SLC25A22: variants seen among roughly 807,000 people sequenced by gnomAD.
The protein encoded by SLC25A22 is mitochondrial glutamate carrier 1.
SLC25A22 carries 23 observed loss-of-function variants against 33.7 expected under a neutral mutation model. The observed-to-expected ratio is 0.68, with a 90% CI of 0.49 to 0.97. The LOEUF (loss-of-function observed/expected upper bound fraction) is 0.97. Ranked by LOEUF, SLC25A22 falls within the 50% of genes least tolerant of loss-of-function variation. The probability of loss-of-function intolerance (pLI) is 0.00; values close to 1 mark genes in which losing one functional copy is unlikely to be tolerated. For missense variants in SLC25A22, 390 were observed against 451.1 expected, an observed-to-expected ratio of 0.86 and a Z score of 1.23; for synonymous variants, 245 against 203.8, an observed-to-expected ratio of 1.20 and a Z score of -1.72.
chr11:794,370 C>G (rs1001946057), intron 4 of SLC25A22, 88 bp downstream of exon 4: 1 of 1,491,622 alleles, frequency 6.7e-7, no homozygotes, highest in Non-Finnish European at 9.2e-7. Flanking sequence ...GCTGGCCGCC[C>G]TGCCCTGCCT....
At chr11:792,270 C>G in intron 8 of SLC25A22, 34 bp downstream of exon 8, 1 of 1,613,054 alleles carries the variant, frequency 6.2e-7, no homozygotes, top group Non-Finnish European at 8.5e-7. Flanking sequence ...CAGTCCCGCC[C>G]CATCCCCAGC....
At position 791,734 on chromosome 11, in the gene SLC25A22, G is replaced by A. The variant is rs530664414; in HGVS notation, c.*181C>T. 4 of 752,556 alleles carry A rather than the reference G, an allele frequency of 5.3e-6. No individual in the cohort carries two copies. Among genetic ancestry groups the A allele is most frequent in the Non-Finnish European group, 8.4e-6 (4 of 476,440 alleles). The allele number at this position is 752,556 out of a possible 1,614,324, so 46.6% of individuals were successfully genotyped here. A position where few individuals can be genotyped will look rare whatever the true frequency, so the allele number is the denominator to read the frequency against. On this transcript the variant is annotated 3_prime_UTR_variant, in exon 10 of 10. Transcript: ENST00000628067. ...ATGAGACATTGATCCCAACGGTGCA[G>A]GCAGCACCCCGGGGGGCTTGCGTGT... is the stretch of plus-strand genomic sequence containing the variant.
chr11:793,650 T>C, intron 4 of SLC25A22, 31 bp from the exon 5 acceptor site: 2 of 1,526,776 alleles, frequency 1.3e-6, no homozygotes, highest in Non-Finnish European at 1.8e-6. Context: ...TGGGGGGACA[T>C]GCTCGGTGGC....
chr11:795,462 G>A (rs1244168141), intron 1 of SLC25A22: 1 of 354,806 alleles, frequency 2.8e-6, no homozygotes, highest in Admixed American at 3.8e-5. Context: ...GGCTTTTAAA[G>A]GGCCAGGCAC....
rs56900465 is a variant in SLC25A22 at position 795,379 on chromosome 11, CA to C, written c.-163-211del. 14,509 of 323,644 alleles carry C rather than the reference CA, an allele frequency of 0.045. 236 individuals are homozygous for C. Among genetic ancestry groups the C allele is most frequent in the South Asian group, 0.11 (3,405 of 30,296 alleles). The allele number at this position is 323,644 out of a possible 1,614,324, so 20.0% of individuals were successfully genotyped here. On this transcript the variant is annotated intron_variant, in intron 1 of 9. Coordinates refer to ENST00000628067, the MANE Select transcript of SLC25A22 (RefSeq NM_001191061.2). ...GGCTTCCTTTCAGTCCCCCCCTCCCCACCGCCAGCGTCTTCCCAGCCAGCCT... is the reference window on the plus strand; with the variant it reads ...GGCTTCCTTTCAGTCCCCCCCTCCCCCCGCCAGCGTCTTCCCAGCCAGCCT...
intron 2 of SLC25A22, 35 bp from the exon 3 acceptor site, chr11:794,936 G>A (rs756535022): frequency 2.6e-6 from 4 of 1,563,710 alleles, no homozygotes; most frequent in Middle Eastern, 3.3e-4. Context: ...CGGCTTCCTT[G>A]ACCATGGGTC....
rs1864596787 is a variant in SLC25A22 at position 792,694 on chromosome 11, T to C, written c.446A>G (p.Gln149Arg). 3.2e-6 allele frequency: 5 copies of C among 1,553,332 alleles called. No individual in the cohort carries two copies. The highest frequency in any genetic ancestry group is 3.5e-6 in the Non-Finnish European group (4 of 1,152,768). ...CTGGGCACCCCCCTGGGCCGAGAGC[T>C]GGCCCTGGGCAGCCAGGATCTTCCT... is the stretch of plus-strand genomic sequence containing the variant. ...AQRKILAAQGQLSAQGGAQPS... is the reference protein window; with the variant it reads ...AQRKILAAQGRLSAQGGAQPS... The change falls in exon 7 of 10, where the codon CAG becomes CGG. Residue 149 changes from glutamine to arginine, a missense_variant. Gln to Arg is a conservative substitution (Grantham distance 43, BLOSUM62 1). Transcript: ENST00000628067.
Position 794,904 on chromosome 11 carries a change from G to C in SLC25A22, c.21-3C>G. ...CATTGATGAGCTTGGCTGGCAGGCT[G>C]TGTGGACAGGGGTGTCAGGACCGGC... On this transcript the variant is annotated splice_region_variant and splice_polypyrimidine_tract_variant and intron_variant, in intron 2 of 9. Transcript: ENST00000628067. The C allele has an allele frequency of 6.4e-7, 1 of 1,564,844 alleles. No individual in the cohort carries two copies. The highest frequency in any genetic ancestry group is 8.7e-7 in the Non-Finnish European group (1 of 1,154,638).
Position 791,311 on chromosome 11 carries a change from G to C in SLC25A22, c.*604C>G, listed in dbSNP as rs1404339366. 1 of 163,402 alleles carries C rather than the reference G, an allele frequency of 6.1e-6. No homozygotes were observed. The highest frequency in any genetic ancestry group is 2.4e-5 in the African/African-American group (1 of 41,522). 10.1% of individuals were successfully genotyped at this position (163,402 alleles called of 1,614,324 possible). A position where few individuals can be genotyped will look rare whatever the true frequency, so the allele number is the denominator to read the frequency against. Reference sequence around the variant, plus strand: ...ACCAGAAAGTCCCACAGTGGGTGGCGGGCTTGCCCCAAGAGTCAGACCTCA... The same window carrying C: ...ACCAGAAAGTCCCACAGTGGGTGGCCGGCTTGCCCCAAGAGTCAGACCTCA... On this transcript the variant is annotated 3_prime_UTR_variant, in exon 10 of 10. Transcript: ENST00000628067.
Position 792,174 on chromosome 11 carries a change from C to T in SLC25A22, c.786G>A (p.Glu262=), listed in dbSNP as rs1365291767. The T allele has an allele frequency of 2.5e-6, 4 of 1,612,866 alleles. No individual in the cohort carries two copies. Among genetic ancestry groups the T allele is most frequent in the Non-Finnish European group, 2.5e-6 (3 of 1,179,864 alleles). Residue 262 remains glutamate (E), a synonymous_variant, in exon 9 of 10, where the codon GAG becomes GAA. Coordinates refer to ENST00000628067, the MANE Select transcript of SLC25A22 (RefSeq NM_001191061.2). Reference sequence around the variant, plus strand: ...AGTCCAGGATCCCAGAGTAGGTGTCCTCGTTGACGCCTCGCTGAAGTGACT... The same window carrying T: ...AGTCCAGGATCCCAGAGTAGGTGTCTTCGTTGACGCCTCGCTGAAGTGACT... ...RLQSLQRGVN[E]DTYSGILDCA... is the part of the protein sequence containing the mutation.
Position 791,792 on chromosome 11 carries a change from CT to C in SLC25A22, c.*122del. ...CTATGTGGACCCTGCACCCTGCCCC[CT>C]GCTGCCCCTGCCGACGGGAGGGCTG... On this transcript the variant is annotated 3_prime_UTR_variant, in exon 10 of 10. Transcript: ENST00000628067. 2 of 1,370,230 alleles carry C rather than the reference CT, an allele frequency of 1.5e-6. No homozygotes were observed. The highest frequency in any genetic ancestry group is 5.0e-5 in the East Asian group (2 of 39,766). 84.9% of individuals were successfully genotyped at this position (1,370,230 alleles called of 1,614,324 possible). A position where few individuals can be genotyped will look rare whatever the true frequency, so the allele number is the denominator to read the frequency against.
chr11:797,749 C>A lies in SLC25A22; in HGVS notation c.-164+468G>T, dbSNP rs567186232. Reference sequence around the variant, plus strand: ...GTCCCGGAAGGGGACTCCAACTGCGCGATGCCTCGGCCAGAGGACAAAGGA... The same window carrying A: ...GTCCCGGAAGGGGACTCCAACTGCGAGATGCCTCGGCCAGAGGACAAAGGA... On this transcript the variant is annotated intron_variant, in intron 1 of 9. Transcript: ENST00000628067. The A allele has an allele frequency of 3.5e-5, 14 of 398,642 alleles. No individual in the cohort carries two copies. In the East Asian group the frequency reaches 4.6e-4, roughly 13 times the overall value. The allele number at this position is 398,642 out of a possible 1,614,324, so 24.7% of individuals were successfully genotyped here. A position where few individuals can be genotyped will look rare whatever the true frequency, so the allele number is the denominator to read the frequency against.
intron 1 of SLC25A22, 198 bp from the exon 2 acceptor site, chr11:795,367 T>TCCCCCCCCCC (rs1361777569): frequency 4.4e-5 from 7 of 157,330 alleles, no homozygotes; most frequent in African/African-American, 1.3e-4. Flanking sequence ...TTCCTTTCAG[T>TCCCCCCCCCC]CCCCCCCTCC....
intron 1 of SLC25A22, chr11:797,791 C>T (rs538939124): frequency 8.2e-4 from 325 of 398,666 alleles, no homozygotes; most frequent in Non-Finnish European, 9.8e-4. Flanking sequence ...GGTTGGGGGC[C>T]GCTCTCTGCG....
rs1412772778 is a variant in SLC25A22, at chr11:792,960, G to A, written c.322C>T (p.Leu108=). ...GQKLTLLKEM[L]AGCGAGTCQV... ...CAGGTGCCAGCCCCACAGCCCGCCAGCATCTCTTTAAGCAGGGTCAGCTTC... is the reference window on the plus strand; with the variant it reads ...CAGGTGCCAGCCCCACAGCCCGCCAACATCTCTTTAAGCAGGGTCAGCTTC... Residue 108 remains leucine (L), a synonymous_variant, in exon 6 of 10, where the codon CTG becomes TTG. Transcript: ENST00000628067. 4 of 1,613,484 alleles carry A rather than the reference G, an allele frequency of 2.5e-6. No homozygotes were observed. The Admixed American group carries it at 6.7e-5, about 27-fold the overall frequency.
intron 1 of SLC25A22, chr11:797,547 T>TA: frequency 2.5e-6 from 1 of 398,124 alleles, no homozygotes; most frequent in Non-Finnish European, 4.4e-6. Context: ...CACAGGAAGA[T>TA]ACCGCTGCTT....
chr11:792,645 G>A lies in SLC25A22; in HGVS notation c.495C>T (p.Ala165=), dbSNP rs374780430. The change falls in exon 7 of 10, where the codon GCC becomes GCT. Residue 165 remains alanine, a synonymous_variant. Transcript: ENST00000628067. Reference sequence around the variant, plus strand: ...TCAGCTGGGTGGCCGTGGGCCGAGGGGCAGCTGGAGCCTCCACTGAGGGCT... The same window carrying A: ...TCAGCTGGGTGGCCGTGGGCCGAGGAGCAGCTGGAGCCTCCACTGAGGGCT... The part of the protein sequence containing the change: ...GAQPSVEAPA[A]PRPTATQLTR... 6.6e-4 allele frequency: 1,048 copies of A among 1,581,150 alleles called. 1 individual carries two copies. The highest frequency in any genetic ancestry group is 1.5e-3 in the Admixed American group (84 of 55,390).
intron 6 of SLC25A22, 70 bp downstream of exon 6, chr11:792,800 T>A: frequency 6.5e-7 from 1 of 1,545,350 alleles, no homozygotes; most frequent in Non-Finnish European, 8.7e-7. Flanking sequence ...CCTCCCTGCG[T>A]CCCCACCCTC....
chr11:794,985 A>C lies in SLC25A22; in HGVS notation c.20+2T>G. ...GGCACGCAGCCAGGACTGGAGTCTG[A>C]CCTGATCTGCTTATCAGCCATTTAA... On this transcript the variant is annotated splice_donor_variant, in intron 2 of 9. Transcript: ENST00000628067. LOFTEE classifies it high-confidence loss of function. 6.4e-7 allele frequency: 1 copy of C among 1,559,488 alleles called. No homozygotes were observed. Among genetic ancestry groups the C allele is most frequent in the Non-Finnish European group, 8.7e-7 (1 of 1,151,812 alleles).
Sources: gnomAD v4.1 joint callset for allele counts on GRCh38, gnomAD v4.1.1 for gene constraint, MANE v1.5 for transcripts, NCBI Gene and HGNC (gene_info 2026-07-23, HGNC 2026-07-21) for gene names.